Variants in FYN observed in about 807,000 individuals in gnomAD.
FYN encodes the protein FYN proto-oncogene, Src family tyrosine kinase.
Under a neutral mutation model 70.2 loss-of-function variants are expected in FYN, and 10 were observed. The observed-to-expected ratio is 0.14, with a 90% confidence interval of 0.09 to 0.24. The LOEUF is 0.24. FYN is among the 10% of genes least tolerant of loss of function. The probability of loss-of-function intolerance (pLI) is 1.00; values close to 1 mark genes in which losing one functional copy is unlikely to be tolerated. For missense variants in FYN, 319 were observed against 673.1 expected (o/e 0.47, Z 5.82); for synonymous variants, 236 against 248.6 (o/e 0.95, Z 0.48).
intron 3 of FYN, among the ~76,000 whole-genome samples, chr6:111,720,348 C>A (rs1037046138): frequency 2.0e-5 from 3 of 152,178 alleles, no homozygotes; most frequent in East Asian, 1.9e-4. Context: ...TCGTAAAATT[C>A]TGTAACAGCA....
At chr6:111,799,598 TTCA>T (rs1276610115) in intron 2 of FYN, among the ~76,000 whole-genome samples, 1 of 152,206 alleles carries the variant, frequency 6.6e-6, no homozygotes, top group African/African-American at 2.4e-5. Context: ...TTGTGGTCCT[TTCA>T]TCAAGTAAGG....
At chr6:111,761,947 G>A (rs1457405633) in intron 3 of FYN, among the ~76,000 whole-genome samples, 5 of 152,170 alleles carry the variant, frequency 3.3e-5, no homozygotes. Flanking sequence ...CACCGTCAAA[G>A]CAGGACCTGC....
rs1774056990 is a variant in FYN, at chr6:111,864,650, G to A, written c.-123+8318C>T. Among the ~76,000 whole-genome samples the A allele has an allele frequency of 2.0e-5, 3 of 152,138 alleles. 1 individual carries two copies. The South Asian group carries it at 6.2e-4, about 32-fold the overall frequency. The stretch of plus-strand genomic sequence containing the variant: ...CTCAAGAGGCAGTAGGTTTTGAGGG[G>A]AGTCATCAGAAAGGGTGAGACTTCC... On this transcript the variant is annotated intron_variant, in intron 1 of 13. Transcript: ENST00000354650.
intron 2 of FYN, among the ~76,000 whole-genome samples, chr6:111,804,160 G>A (rs1051462419): frequency 6.6e-6 from 1 of 152,182 alleles, no homozygotes; most frequent in Admixed American, 6.5e-5. Flanking sequence ...TGTATTTAAA[G>A]GCAGGAAGAG....
chr6:111,789,980 C>T (rs996411288), intron 2 of FYN, among the ~76,000 whole-genome samples: 1 of 152,134 alleles, frequency 6.6e-6, no homozygotes, highest in South Asian at 2.1e-4. Context: ...GTGTGCAGAG[C>T]CCCTTGAGTT....
At chr6:111,774,067 T>G (rs1005329671) in intron 3 of FYN, among the ~76,000 whole-genome samples, 2 of 152,212 alleles carry the variant, frequency 1.3e-5, no homozygotes, top group Non-Finnish European at 2.9e-5. Context: ...GGCTCTCATC[T>G]TTTCCAAAGA....
chr6:111,702,816 T>C lies in FYN; in HGVS notation c.697+69A>G. ...CATATTAGTTTTACCCCTTTCCACT[T>C]TCCTGCTCTGGGCCTATCCACTCCC... On this transcript the variant is annotated intron_variant, in intron 8 of 13. Transcript: ENST00000354650. 5 of 1,498,450 alleles carry C rather than the reference T, an allele frequency of 3.3e-6. No homozygotes were observed. The South Asian group carries it at 6.1e-5, about 18-fold the overall frequency. 92.8% of individuals were successfully genotyped at this position (1,498,450 alleles called of 1,614,324 possible).
At chr6:111,783,575 G>A (rs1044093311) in intron 2 of FYN, among the ~76,000 whole-genome samples, 20 of 152,310 alleles carry the variant, frequency 1.3e-4, no homozygotes, top group African/African-American at 3.9e-4. Context: ...TGAAATTTTC[G>A]TGAGTGCTCC....
At chr6:111,868,730 C>G (rs1412195829) in intron 1 of FYN, among the ~76,000 whole-genome samples, 1 of 152,188 alleles carries the variant, frequency 6.6e-6, no homozygotes, top group East Asian at 1.9e-4. Flanking sequence ...TGAATCCTGA[C>G]TCTACCACTT....
intron 2 of FYN, among the ~76,000 whole-genome samples, chr6:111,822,283 T>C (rs1351511739): frequency 6.6e-6 from 1 of 152,212 alleles, no homozygotes; most frequent in Non-Finnish European, 1.5e-5. Context: ...ATATACACCA[T>C]GGAATACTAT....
chr6:111,808,198 T>G (rs1157338579), intron 2 of FYN, among the ~76,000 whole-genome samples: 1 of 152,184 alleles, frequency 6.6e-6, no homozygotes, highest in Non-Finnish European at 1.5e-5. Flanking sequence ...ACAAAGGCAC[T>G]GAAGCAGCAA....
intron 3 of FYN, among the ~76,000 whole-genome samples, chr6:111,739,626 C>T (rs1801865949): frequency 6.6e-6 from 1 of 152,168 alleles, no homozygotes; most frequent in African/African-American, 2.4e-5. Flanking sequence ...AGGCAGGTTT[C>T]CTTCCACTTC....
chr6:111,674,207 C>T (rs1200897608), intron 13 of FYN, among the ~76,000 whole-genome samples: 2 of 152,222 alleles, frequency 1.3e-5, no homozygotes, highest in African/African-American at 2.4e-5. Flanking sequence ...ACCACAGACA[C>T]ATACTCCTAC....
intron 2 of FYN, among the ~76,000 whole-genome samples, chr6:111,791,966 C>G (rs143479116): frequency 6.6e-6 from 1 of 152,194 alleles, no homozygotes; most frequent in East Asian, 1.9e-4. Flanking sequence ...ACCTTCATAC[C>G]TTGTAATAGG....
chr6:111,768,622 C>T (rs1041882163), intron 3 of FYN, among the ~76,000 whole-genome samples: 1 of 152,240 alleles, frequency 6.6e-6, no homozygotes, highest in Non-Finnish European at 1.5e-5. Context: ...TTAATATCAT[C>T]TCAGGTAATT....
chr6:111,734,593 T>G (rs905216446), intron 3 of FYN, among the ~76,000 whole-genome samples: 1 of 152,068 alleles, frequency 6.6e-6, no homozygotes, highest in Non-Finnish European at 1.5e-5. Flanking sequence ...GAGGCTCCAC[T>G]TCTCTCTGGC....
intron 3 of FYN, among the ~76,000 whole-genome samples, chr6:111,725,698 A>G (rs1339588114): frequency 6.6e-6 from 1 of 152,228 alleles, no homozygotes; most frequent in African/African-American, 2.4e-5. Flanking sequence ...GACTCTGCCA[A>G]TGTGGGAAAG....
At chr6:111,801,059 C>T (rs913526240) in intron 2 of FYN, among the ~76,000 whole-genome samples, 3 of 152,198 alleles carry the variant, frequency 2.0e-5, no homozygotes, top group African/African-American at 7.2e-5. Flanking sequence ...TACAAGTCCA[C>T]AACATTAAGG....
intron 12 of FYN, among the ~76,000 whole-genome samples, chr6:111,675,565 G>A (rs1370547954): frequency 1.3e-5 from 2 of 152,030 alleles, no homozygotes; most frequent in African/African-American, 2.4e-5. Flanking sequence ...AGGCAGAGGC[G>A]GGCGGTCATT....
Sources: allele counts gnomAD v4.1 joint callset (sites outside exome capture counted in the v4.1 genomes callset), GRCh38; gene constraint gnomAD v4.1.1; transcripts MANE v1.5; gene names NCBI Gene and HGNC (gene_info 2026-07-23, HGNC 2026-07-21).